The following SLC9B2 variants were observed in gnomAD, a reference collection of about 807,000 sequenced individuals.
The protein encoded by SLC9B2 is sodium/hydrogen exchanger 9B2.
Under a neutral mutation model 52.2 loss-of-function variants are expected in SLC9B2, and 39 were observed. The observed-to-expected ratio is 0.75, with a 90% CI of 0.58 to 0.98. The LOEUF is 0.98. SLC9B2 is among the 50% of genes least tolerant of loss of function. SLC9B2 has a pLI of 0.00. For missense variants in SLC9B2, 626 were observed against 637.5 expected, an observed-to-expected ratio of 0.98 and a Z score of 0.19; for synonymous variants, 214 against 227.0, an observed-to-expected ratio of 0.94 and a Z score of 0.51.
chr4:103,069,045 C>T (rs1198366995), intron 1 of SLC9B2, among the ~76,000 whole-genome samples: 1 of 152,040 alleles, frequency 6.6e-6, no homozygotes, highest in Non-Finnish European at 1.5e-5. Context: ...TTTTATTATA[C>T]ATAATTTGTA....
chr4:103,069,741 G>T (rs1746453895), intron 1 of SLC9B2, among the ~76,000 whole-genome samples: 1 of 152,144 alleles, frequency 6.6e-6, no homozygotes, highest in Non-Finnish European at 1.5e-5. Flanking sequence ...CTCATTAGGA[G>T]AATTACATAG....
At chr4:103,039,649 CTTTTT>C (rs11464004) in intron 9 of SLC9B2, among the ~76,000 whole-genome samples, 2 of 129,178 alleles carry the variant, frequency 1.5e-5, no homozygotes, top group Non-Finnish European at 1.6e-5. Context: ...ATGGTATATT[CTTTTT>C]TTTTTTTTTT....
Position 103,023,406 on chromosome 4 carries a change from T to C in SLC9B2, c.*2964A>G, listed in dbSNP as rs1741944764. 6.6e-6 allele frequency among the ~76,000 whole-genome samples: 1 copy of C among 152,122 alleles called. No individual in the cohort carries two copies. Among genetic ancestry groups the C allele is most frequent in the South Asian group, 2.1e-4 (1 of 4,818 alleles). On this transcript the variant is annotated 3_prime_UTR_variant, in exon 12 of 12. Coordinates refer to ENST00000394785, the MANE Select transcript of SLC9B2 (RefSeq NM_178833.7). ...TTTCTATCTGTGGTTTAAGAGGGGA[T>C]AGGTTGAGTTGGTCAGTACTCTATC...
chr4:103,025,673 A>ACT lies in SLC9B2; in HGVS notation c.*696_*697insAG, dbSNP rs1300176803. On this transcript the variant is annotated 3_prime_UTR_variant, in exon 12 of 12. Transcript: ENST00000394785. Reference sequence around the variant, plus strand: ...TCATAAGAAACAAAAAAAGGGCTGGATTAGGGCACTCCTTAGGGGAAGGTA... The same window carrying ACT: ...TCATAAGAAACAAAAAAAGGGCTGGACTTTAGGGCACTCCTTAGGGGAAGGTA... The ACT allele has an allele frequency of 6.6e-6, 1 of 152,112 alleles. No homozygotes were observed. Among genetic ancestry groups the ACT allele is most frequent in the Non-Finnish European group, 1.5e-5 (1 of 68,028 alleles). 9.4% of individuals were successfully genotyped at this position (152,112 alleles called of 1,614,324 possible). A position where few individuals can be genotyped will look rare whatever the true frequency, so the allele number is the denominator to read the frequency against.
At chr4:103,043,667 C>T (rs969302580) in intron 8 of SLC9B2, among the ~76,000 whole-genome samples, 1 of 152,176 alleles carries the variant, frequency 6.6e-6, no homozygotes, top group African/African-American at 2.4e-5. Flanking sequence ...CAATTCTCTC[C>T]TCTACAGTTA....
chr4:103,020,270 G>A (rs1346641807), downstream of SLC9B2: 3 of 319,396 alleles, frequency 9.4e-6, no homozygotes, highest in Non-Finnish European at 1.2e-5. Flanking sequence ...TTTTTTTTCC[G>A]CATGAAATCT....
In SLC9B2 at chr4:103,067,521, A is replaced by G; in HGVS notation, c.30T>C (p.Tyr10=). 1.2e-6 allele frequency: 2 copies of G among 1,613,190 alleles called. No homozygotes were observed. Among genetic ancestry groups the G allele is most frequent in the Non-Finnish European group, 8.5e-7 (1 of 1,179,322 alleles). The change falls in exon 2 of 12, where the codon TAT becomes TAC. Residue 10 remains tyrosine, a synonymous_variant. Transcript: ENST00000394785. MGDEDKRIT[Y]EDSEPSTGMN... ...TTCCTGTGGATGGTTCTGAATCTTC[A>G]TATGTAATTCTTTTATCTTCATCCC...
intron 4 of SLC9B2, 103 bp downstream of exon 4, chr4:103,057,698 C>A (rs570263768): frequency 1.6e-6 from 2 of 1,286,228 alleles, no homozygotes; most frequent in African/African-American, 1.5e-5. Flanking sequence ...TCCAGCATGG[C>A]AAATACAGAA....
At chr4:103,075,758 T>C (rs1450036670) in intron 1 of SLC9B2, among the ~76,000 whole-genome samples, 2 of 152,144 alleles carry the variant, frequency 1.3e-5, no homozygotes, top group African/African-American at 4.8e-5. Context: ...TAAAAGGAGT[T>C]TGGGTTCCTG....
downstream of SLC9B2, among the ~76,000 whole-genome samples, chr4:103,020,908 G>GT (rs1330758154): frequency 6.6e-6 from 1 of 152,164 alleles, no homozygotes; most frequent in Non-Finnish European, 1.5e-5. Flanking sequence ...GATTACAAGC[G>GT]TGAGCCACCA....
intron 9 of SLC9B2, among the ~76,000 whole-genome samples, chr4:103,034,320 G>T (rs113312855): frequency 0.031 from 4,668 of 151,862 alleles, 228 homozygotes; most frequent in African/African-American, 0.11. Flanking sequence ...ATGAATGAAA[G>T]ACTTAAATGT....
chr4:103,044,948 C>T lies in SLC9B2; in HGVS notation c.938G>A (p.Gly313Asp), dbSNP rs1342742880. ...TCCAAGAACAGATCCAGTTGCCACA[C>T]CAATTACCACCTCCAAAACTCCTCT... ...VLRGVLEVVI[G>D]VATGSVLGFF... The change falls in exon 8 of 12, where the codon GGT becomes GAT. Residue 313 changes from glycine to aspartate, a missense_variant. Gly to Asp is a moderately conservative substitution (Grantham distance 94). Coordinates refer to ENST00000394785, the MANE Select transcript of SLC9B2 (RefSeq NM_178833.7). The T allele has an allele frequency of 1.9e-6, 3 of 1,613,834 alleles. No individual in the cohort carries two copies. Among genetic ancestry groups the T allele is most frequent in the Admixed American group, 1.7e-5 (1 of 59,990 alleles).
chr4:103,071,756 T>C (rs997158198), intron 1 of SLC9B2, among the ~76,000 whole-genome samples: 2 of 151,966 alleles, frequency 1.3e-5, no homozygotes, highest in African/African-American at 4.8e-5. Flanking sequence ...AGTGATCCAC[T>C]GGCCTTGGCC....
rs534306608 is a variant in SLC9B2, at chr4:103,028,901, T to G, written c.1256-18A>C. On this transcript the variant is annotated intron_variant, in intron 10 of 11. Coordinates refer to ENST00000394785, the MANE Select transcript of SLC9B2 (RefSeq NM_178833.7). ...ACAAAGGCCTGTAAGAAATATTCAA[T>G]TTTTAGAAATAATAAAATACTAGGA... The G allele has an allele frequency of 1.3e-6, 2 of 1,512,354 alleles. No individual in the cohort carries two copies. The highest frequency in any genetic ancestry group is 2.9e-5 in the African/African-American group (2 of 68,808). The allele number at this position is 1,512,354 out of a possible 1,614,324, so 93.7% of individuals were successfully genotyped here. A position where few individuals can be genotyped will look rare whatever the true frequency, so the allele number is the denominator to read the frequency against.
At position 103,022,390 on chromosome 4, in the gene SLC9B2, T is replaced by C. The variant is rs1006471637; in HGVS notation, c.*3980A>G. On this transcript the variant is annotated 3_prime_UTR_variant, in exon 12 of 12. Transcript: ENST00000394785. Reference sequence around the variant, plus strand: ...AAAAGCCAAATATGAAATACTTATGTTGCCTTTCACCCAACAAATTCAGTT... The same window carrying C: ...AAAAGCCAAATATGAAATACTTATGCTGCCTTTCACCCAACAAATTCAGTT... 1.3e-5 allele frequency among the ~76,000 whole-genome samples: 2 copies of C among 152,234 alleles called. No homozygotes were observed. The highest frequency in any genetic ancestry group is 1.3e-4 in the Admixed American group (2 of 15,288).
chr4:103,072,727 G>A (rs954568853), intron 1 of SLC9B2, among the ~76,000 whole-genome samples: 1 of 152,064 alleles, frequency 6.6e-6, no homozygotes, highest in African/African-American at 2.4e-5. Flanking sequence ...TTTTATTCTT[G>A]CTATTTGCTG....
downstream of SLC9B2, among the ~76,000 whole-genome samples, chr4:103,021,599 TAAG>T (rs756594039): frequency 4.6e-5 from 7 of 152,272 alleles, no homozygotes; most frequent in South Asian, 2.1e-4. Context: ...TTTTGAGGAA[TAAG>T]GAGAATCTTA....
intron 3 of SLC9B2, among the ~76,000 whole-genome samples, chr4:103,062,973 C>T (rs892118572): frequency 6.6e-5 from 10 of 152,114 alleles, no homozygotes; most frequent in African/African-American, 2.4e-4. Context: ...GGACAAAAGT[C>T]GTCTTGTAAA....
chr4:103,053,817 C>T (rs544964751), intron 4 of SLC9B2, among the ~76,000 whole-genome samples: 236 of 152,236 alleles, frequency 1.6e-3, no homozygotes, highest in African/African-American at 5.3e-3. Context: ...ATTCTCCTGC[C>T]TCAGCCTCTT....
Sources: allele counts gnomAD v4.1 joint callset (sites outside exome capture counted in the v4.1 genomes callset), GRCh38; gene constraint gnomAD v4.1.1; transcripts MANE v1.5; gene names NCBI Gene and HGNC (gene_info 2026-07-23, HGNC 2026-07-21).